RFX3: variants seen among roughly 807,000 people sequenced by gnomAD.
RFX3 encodes the protein transcription factor RFX3.
Under a neutral mutation model 98.6 loss-of-function variants are expected in RFX3, and 14 were observed. The observed-to-expected ratio is 0.14, with a 90% CI of 0.09 to 0.22. The LOEUF (loss-of-function observed/expected upper bound fraction) is 0.22, where lower values mean the gene tolerates loss of function less well. Ranked by LOEUF, RFX3 falls within the 10% of genes least tolerant of loss-of-function variation. The pLI is 1.00. For synonymous variants in RFX3, 383 were observed against 328.4 expected (o/e 1.17, Z -1.80); for missense variants, 639 against 926.9 (o/e 0.69, Z 4.03).
In RFX3 at chr9:3,270,649, G is replaced by C. The variant is rs977149377; in HGVS notation, c.1203-124C>G. 1.7e-5 allele frequency: 16 copies of C among 926,546 alleles called. No individual in the cohort carries two copies. The African/African-American group carries it at 2.5e-4, about 15-fold the overall frequency. The allele number at this position is 926,546 out of a possible 1,614,324, so 57.4% of individuals were successfully genotyped here. ...TTAGAACTATACCACCATTGCACTG[G>C]TGCCATACAGCTGGCTATATATACC... On this transcript the variant is annotated intron_variant, in intron 10 of 16. Transcript: ENST00000617270.
At chr9:3,432,407 G>A (rs76243264) in intron 1 of RFX3, among the ~76,000 whole-genome samples, 6,337 of 152,254 alleles carry the variant, frequency 0.042, 466 homozygotes, top group African/African-American at 0.14. Context: ...CGTCATGAAA[G>A]TCTGAAGAGA....
intron 9 of RFX3, among the ~76,000 whole-genome samples, chr9:3,271,575 C>T (rs1303327351): frequency 6.8e-6 from 1 of 147,426 alleles, no homozygotes; most frequent in Non-Finnish European, 1.5e-5. Context: ...TTCTTTCTTT[C>T]TTTCCTTTAC....
At chr9:3,318,387 G>C (rs751798083) in intron 4 of RFX3, among the ~76,000 whole-genome samples, 1 of 152,044 alleles carries the variant, frequency 6.6e-6, no homozygotes, top group Admixed American at 6.6e-5. Flanking sequence ...TGGAGGGAGC[G>C]GGGAGGGATA....
chr9:3,361,409 CAAGAA>C (rs1312037780), intron 2 of RFX3, among the ~76,000 whole-genome samples: 2 of 151,716 alleles, frequency 1.3e-5, no homozygotes, highest in African/African-American at 4.8e-5. Context: ...AGGGAAGACA[CAAGAA>C]AAGAAAAAGC....
chr9:3,397,697 G>T (rs1941198680), intron 1 of RFX3, among the ~76,000 whole-genome samples: 1 of 152,094 alleles, frequency 6.6e-6, no homozygotes, highest in Admixed American at 6.5e-5. Flanking sequence ...CTTTTTAGGG[G>T]ATTATTTTCT....
At chr9:3,344,273 T>C (rs1006205742) in intron 3 of RFX3, among the ~76,000 whole-genome samples, 1 of 152,210 alleles carries the variant, frequency 6.6e-6, no homozygotes, top group African/African-American at 2.4e-5. Flanking sequence ...AGTTTGAGTA[T>C]CCTATATCCA....
intron 1 of RFX3, among the ~76,000 whole-genome samples, chr9:3,514,068 T>A (rs910628695): frequency 1.3e-5 from 2 of 152,230 alleles, no homozygotes; most frequent in African/African-American, 2.4e-5. Flanking sequence ...TCAGCATTCA[T>A]GGCCTTTATT....
At chr9:3,309,662 T>C (rs1829742169) in intron 4 of RFX3, among the ~76,000 whole-genome samples, 1 of 152,212 alleles carries the variant, frequency 6.6e-6, no homozygotes, top group Admixed American at 6.5e-5. Flanking sequence ...AAGGGATCAA[T>C]ATTACATTTT....
At position 3,394,820 on chromosome 9, in the gene RFX3, C is replaced by A. The variant is rs184201191; in HGVS notation, c.117+652G>T. ...AAGAAATCACAGGCCAGTGTGTTCA[C>A]AATCCACATACATGAACAGCATTAC... On this transcript the variant is annotated intron_variant, in intron 2 of 16. Coordinates refer to ENST00000617270, the MANE Select transcript of RFX3 (RefSeq NM_001282116.2). The A allele has an allele frequency of 2.6e-5, 26 of 985,184 alleles. No homozygotes were observed. In the African/African-American group the frequency reaches 4.5e-4, roughly 17 times the overall value. 61.0% of individuals were successfully genotyped at this position (985,184 alleles called of 1,614,324 possible).
intron 5 of RFX3, among the ~76,000 whole-genome samples, chr9:3,296,662 C>G (rs1828031780): frequency 6.6e-6 from 1 of 152,026 alleles, no homozygotes; most frequent in Non-Finnish European, 1.5e-5. Flanking sequence ...TTGTTCCCTA[C>G]CCGTTGTATG....
At chr9:3,307,051 G>A (rs1176787393) in intron 4 of RFX3, among the ~76,000 whole-genome samples, 7 of 151,988 alleles carry the variant, frequency 4.6e-5, no homozygotes, top group Admixed American at 6.6e-5. Context: ...TTTTAAAAAC[G>A]GGAGTTTCTC....
chr9:3,436,700 C>T (rs1845156201), intron 1 of RFX3, among the ~76,000 whole-genome samples: 1 of 151,898 alleles, frequency 6.6e-6, no homozygotes, highest in African/African-American at 2.4e-5. Flanking sequence ...ACTTCTTTAA[C>T]CCAAAAGAAA....
At chr9:3,374,056 C>T (rs372289633) in intron 2 of RFX3, among the ~76,000 whole-genome samples, 10 of 151,582 alleles carry the variant, frequency 6.6e-5, no homozygotes, top group Middle Eastern at 3.4e-3. Flanking sequence ...CCAGCCTGGG[C>T]GACAGAGTGA....
chr9:3,439,102 G>T (rs1186103217), intron 1 of RFX3, among the ~76,000 whole-genome samples: 3 of 151,358 alleles, frequency 2.0e-5, no homozygotes, highest in Non-Finnish European at 3.0e-5. Context: ...CAAAAACGGG[G>T]ATTAGAAAGT....
At chr9:3,272,179 A>G (rs1465047578) in intron 9 of RFX3, among the ~76,000 whole-genome samples, 1 of 152,194 alleles carries the variant, frequency 6.6e-6, no homozygotes, top group East Asian at 1.9e-4. Flanking sequence ...CCAAGAACAC[A>G]TGATTTTGTG....
chr9:3,274,098 C>T (rs1824888234), intron 9 of RFX3, among the ~76,000 whole-genome samples: 1 of 152,036 alleles, frequency 6.6e-6, no homozygotes, highest in South Asian at 2.1e-4. Flanking sequence ...TTCATCATTC[C>T]AAGGAATGTT....
At position 3,275,483 on chromosome 9, in the gene RFX3, C is replaced by T. The variant is rs1825091041; in HGVS notation, c.1086+17G>A. Reference sequence around the variant, plus strand: ...CAAAACCTAGCATGTGTTCATACTACATTTGAAAAGACTTACCTCACAGTG... The same window carrying T: ...CAAAACCTAGCATGTGTTCATACTATATTTGAAAAGACTTACCTCACAGTG... On this transcript the variant is annotated intron_variant, in intron 9 of 16. Coordinates refer to ENST00000617270, the MANE Select transcript of RFX3 (RefSeq NM_001282116.2). 7.1e-7 allele frequency: 1 copy of T among 1,414,412 alleles called. No individual in the cohort carries two copies. Among genetic ancestry groups the T allele is most frequent in the Non-Finnish European group, 1.0e-6 (1 of 999,142 alleles). 87.6% of individuals were successfully genotyped at this position (1,414,412 alleles called of 1,614,324 possible). A position where few individuals can be genotyped will look rare whatever the true frequency, so the allele number is the denominator to read the frequency against.
At chr9:3,399,331 C>A (rs1587514998) in intron 1 of RFX3, among the ~76,000 whole-genome samples, 1 of 150,846 alleles carries the variant, frequency 6.6e-6, no homozygotes, top group African/African-American at 2.4e-5. Flanking sequence ...GTAATCCCAG[C>A]TACTATGGAG....
intron 13 of RFX3, among the ~76,000 whole-genome samples, chr9:3,260,797 T>A (rs1822773403): frequency 6.6e-6 from 1 of 151,056 alleles, no homozygotes; most frequent in African/African-American, 2.4e-5. Context: ...TGTGTGTATG[T>A]GTTTTTCTAG....
Sources: allele counts gnomAD v4.1 joint callset (sites outside exome capture counted in the v4.1 genomes callset), GRCh38; gene constraint gnomAD v4.1.1; transcripts MANE v1.5; gene names NCBI Gene and HGNC (gene_info 2026-07-23, HGNC 2026-07-21).